Variants in FOXP2 observed in about 807,000 individuals in gnomAD.
The protein encoded by FOXP2 is forkhead box protein P2.
FOXP2 carries 12 observed loss-of-function variants against 115.8 expected under a neutral mutation model. The observed-to-expected ratio is 0.10, with a 90% CI of 0.07 to 0.17. The LOEUF (loss-of-function observed/expected upper bound fraction) is 0.17, where lower values mean the gene tolerates loss of function less well. Ranked by LOEUF, FOXP2 falls within the 10% of genes least tolerant of loss-of-function variation. The pLI, the probability that FOXP2 is intolerant of heterozygous loss-of-function variation, is 1.00. For missense variants in FOXP2, 629 were observed against 843.5 expected, an observed-to-expected ratio of 0.75 and a Z score of 3.15; for synonymous variants, 328 against 297.7, an observed-to-expected ratio of 1.10 and a Z score of -1.05.
intron 1 of FOXP2, among the ~76,000 whole-genome samples, chr7:114,112,108 G>C (rs1008526098): frequency 6.6e-6 from 1 of 151,986 alleles, no homozygotes. Context: ...TGTCACTAGT[G>C]TACAAGAGTG....
chr7:114,415,561 CAGT>C (rs992592801), intron 1 of FOXP2, among the ~76,000 whole-genome samples: 26 of 151,304 alleles, frequency 1.7e-4, no homozygotes, highest in African/African-American at 5.3e-4. Flanking sequence ...TTTGATCTGT[CAGT>C]AGCGTAATGT....
chr7:114,600,952 C>T (rs566091793), intron 3 of FOXP2, among the ~76,000 whole-genome samples: 1 of 149,110 alleles, frequency 6.7e-6, no homozygotes, highest in South Asian at 2.1e-4. Flanking sequence ...CTTGTCTTGT[C>T]AGTATCTTTT....
intron 2 of FOXP2, among the ~76,000 whole-genome samples, chr7:114,377,556 G>A (rs925790480): frequency 5.9e-5 from 9 of 152,140 alleles, no homozygotes; most frequent in African/African-American, 1.9e-4. Context: ...TTCCCTGTTG[G>A]ATATGCCAAG....
At chr7:114,504,522 AT>A (rs1207738926) in intron 2 of FOXP2, among the ~76,000 whole-genome samples, 1 of 151,676 alleles carries the variant, frequency 6.6e-6, no homozygotes, top group African/African-American at 2.4e-5. Context: ...TATTTTACTC[AT>A]TTTTAAGTAA....
intron 3 of FOXP2, among the ~76,000 whole-genome samples, chr7:114,601,924 C>A (rs532100896): frequency 1.1e-4 from 16 of 151,934 alleles, no homozygotes; most frequent in Non-Finnish European, 1.3e-4. Context: ...TATTTGCCAT[C>A]ATTTTATACA....
At chr7:114,169,141 G>A (rs907089959) in intron 1 of FOXP2, among the ~76,000 whole-genome samples, 5 of 103,532 alleles carry the variant, frequency 4.8e-5, no homozygotes, top group Non-Finnish European at 1.1e-4. Context: ...CCCACACAGA[G>A]TCCCTACTGG....
chr7:114,342,029 T>C (rs1360146973), intron 2 of FOXP2, among the ~76,000 whole-genome samples: 1 of 151,354 alleles, frequency 6.6e-6, no homozygotes, highest in East Asian at 1.9e-4. Flanking sequence ...GGTAACTAAG[T>C]CCTTTGAGGC....
chr7:114,243,568 T>G (rs1244328285), intron 1 of FOXP2, among the ~76,000 whole-genome samples: 2 of 152,232 alleles, frequency 1.3e-5, no homozygotes, highest in African/African-American at 4.8e-5. Flanking sequence ...AGGAAAGCTC[T>G]AAGACTTTAT....
chr7:114,521,365 T>C (rs1259711443), intron 2 of FOXP2, among the ~76,000 whole-genome samples: 1 of 151,830 alleles, frequency 6.6e-6, no homozygotes, highest in African/African-American at 2.4e-5. Context: ...ACCCCAACTC[T>C]ACCAAAAACA....
chr7:114,306,026 A>T (rs1209419776), intron 2 of FOXP2, among the ~76,000 whole-genome samples: 1 of 151,652 alleles, frequency 6.6e-6, no homozygotes, highest in Non-Finnish European at 1.5e-5. Context: ...GTTAATCTTC[A>T]TGAAAAATAA....
chr7:114,447,257 C>T (rs1415235339), intron 2 of FOXP2, among the ~76,000 whole-genome samples: 5 of 152,104 alleles, frequency 3.3e-5, no homozygotes, highest in African/African-American at 1.2e-4. Context: ...CTAATAACAT[C>T]AATAGCCTCT....
intron 1 of FOXP2, among the ~76,000 whole-genome samples, chr7:114,172,871 G>A (rs980676652): frequency 1.3e-5 from 2 of 151,870 alleles, no homozygotes; most frequent in Non-Finnish European, 1.5e-5. Context: ...TAAAAACATA[G>A]AATTTAAAAA....
At chr7:114,092,858 T>A (rs935499231) in intron 1 of FOXP2, among the ~76,000 whole-genome samples, 2 of 152,132 alleles carry the variant, frequency 1.3e-5, no homozygotes, top group African/African-American at 2.4e-5. Flanking sequence ...CCTTATGGAG[T>A]CTACCTTTAG....
intron 5 of FOXP2, 65 bp downstream of exon 5, chr7:114,630,070 G>A (rs1319106429): frequency 7.5e-6 from 12 of 1,600,458 alleles, no homozygotes; most frequent in Admixed American, 1.7e-5. Flanking sequence ...TGAGCGGCAA[G>A]AATAGTCTTA....
At chr7:114,219,751 C>T (rs1794573374) in intron 1 of FOXP2, among the ~76,000 whole-genome samples, 1 of 152,058 alleles carries the variant, frequency 6.6e-6, no homozygotes. Context: ...CGCCTTTAAT[C>T]CATACATTTA....
chr7:114,563,897 G>A (rs575933686), intron 3 of FOXP2, among the ~76,000 whole-genome samples: 9 of 151,738 alleles, frequency 5.9e-5, no homozygotes, highest in East Asian at 3.9e-4. Context: ...TCAGGTAATC[G>A]TCAAATCCTT....
chr7:114,498,905 A>C, intron 2 of FOXP2: 1 of 718,060 alleles, frequency 1.4e-6, no homozygotes, highest in South Asian at 1.5e-5. Context: ...TCTTACACCC[A>C]GGTTATTTGT....
intron 6 of FOXP2, among the ~76,000 whole-genome samples, chr7:114,633,162 A>T (rs1328359921): frequency 6.6e-6 from 1 of 152,090 alleles, no homozygotes; most frequent in Non-Finnish European, 1.5e-5. Flanking sequence ...ATTCAAGTAA[A>T]CATTTTAAGA....
At chr7:114,627,134 C>T (rs910282433) in intron 3 of FOXP2, among the ~76,000 whole-genome samples, 2 of 147,882 alleles carry the variant, frequency 1.4e-5, no homozygotes, top group African/African-American at 5.1e-5. Context: ...TTAATCCACC[C>T]TGGATTTCTT....
Sources: gnomAD v4.1 joint callset for allele counts (sites outside exome capture counted in the v4.1 genomes callset) on GRCh38, gnomAD v4.1.1 for gene constraint, MANE v1.5 for transcripts, NCBI Gene and HGNC (gene_info 2026-07-23, HGNC 2026-07-21) for gene names.